Variants in TRIM33 observed in about 807,000 individuals in gnomAD.
TRIM33 encodes the protein E3 ubiquitin-protein ligase TRIM33.
A neutral mutation model predicts 125.4 loss-of-function variants in TRIM33; 20 were observed. The observed-to-expected ratio is 0.16, with a 90% CI of 0.11 to 0.23. TRIM33 has a LOEUF of 0.23. TRIM33 is among the 10% of genes least tolerant of loss of function. TRIM33 has a pLI of 1.00. For missense variants in TRIM33, 920 were observed against 1,411.4 expected (o/e 0.65, Z 5.58); for synonymous variants, 564 against 513.9 (o/e 1.10, Z -1.32).
At chr1:114,487,339 CAAAA>C (rs35231757) in intron 1 of TRIM33, among the ~76,000 whole-genome samples, 8 of 58,466 alleles carry the variant, frequency 1.4e-4, no homozygotes, top group Admixed American at 1.6e-4. Flanking sequence ...CCATGCAGGC[CAAAA>C]AAAAAAAAAA....
intron 16 of TRIM33, among the ~76,000 whole-genome samples, chr1:114,402,289 A>G (rs1488214254): frequency 1.3e-5 from 2 of 152,218 alleles, no homozygotes; most frequent in African/African-American, 4.8e-5. Context: ...CAAACTATAA[A>G]GGTCAAGAGC....
intron 4 of TRIM33, among the ~76,000 whole-genome samples, chr1:114,435,081 T>C (rs1403556060): frequency 1.3e-5 from 2 of 152,254 alleles, no homozygotes; most frequent in Non-Finnish European, 1.5e-5. Context: ...TTTGTGCATT[T>C]AATTCTCTAA....
At chr1:114,437,470 A>G (rs1426115170) in intron 4 of TRIM33, among the ~76,000 whole-genome samples, 3 of 152,050 alleles carry the variant, frequency 2.0e-5, no homozygotes, top group Admixed American at 6.6e-5. Context: ...TCCCGAGTAC[A>G]TAGGACTACA....
chr1:114,485,774 G>GA lies in TRIM33; in HGVS notation c.527-21387dup, dbSNP rs973274301. ...TTATACCTCAGTAGAAAGACTGCTG[G>GA]AAAAAAATGAAGATTAAATAGAATC... is the stretch of plus-strand genomic sequence containing the variant. On this transcript the variant is annotated intron_variant, in intron 1 of 19. Coordinates refer to ENST00000358465, the MANE Select transcript of TRIM33 (RefSeq NM_015906.4). Among the ~76,000 whole-genome samples the GA allele has an allele frequency of 5.9e-5, 9 of 152,072 alleles. No homozygotes were observed. In the South Asian group the frequency reaches 1.2e-3, roughly 21 times the overall value.
chr1:114,431,663 T>C (rs1647958735), intron 5 of TRIM33, among the ~76,000 whole-genome samples: 1 of 152,204 alleles, frequency 6.6e-6, no homozygotes, highest in Non-Finnish European at 1.5e-5. Context: ...TCTACTTCTG[T>C]AAAAACTATA....
chr1:114,483,566 C>A (rs1386114067), intron 1 of TRIM33, among the ~76,000 whole-genome samples: 2 of 151,874 alleles, frequency 1.3e-5, no homozygotes, highest in Admixed American at 6.6e-5. Context: ...CACCCACCAC[C>A]ACGCTCAGCT....
At chr1:114,444,331 T>A (rs1176977058) in intron 4 of TRIM33, among the ~76,000 whole-genome samples, 2 of 152,202 alleles carry the variant, frequency 1.3e-5, no homozygotes, top group Non-Finnish European at 1.5e-5. Context: ...ACACAAAGTT[T>A]AGCAGACTGC....
chr1:114,431,257 C>T (rs1647933188), intron 5 of TRIM33, among the ~76,000 whole-genome samples: 1 of 152,168 alleles, frequency 6.6e-6, no homozygotes, highest in Non-Finnish European at 1.5e-5. Context: ...TCTGTTTAAC[C>T]TTGACGTTTT....
At chr1:114,422,819 G>T (rs956361098) in intron 10 of TRIM33, among the ~76,000 whole-genome samples, 1 of 152,168 alleles carries the variant, frequency 6.6e-6, no homozygotes, top group South Asian at 2.1e-4. Context: ...TTGATAGATC[G>T]TTTTCTCAGC....
intron 1 of TRIM33, among the ~76,000 whole-genome samples, chr1:114,472,746 A>C (rs1448343519): frequency 1.3e-5 from 2 of 152,144 alleles, no homozygotes; most frequent in African/African-American, 4.8e-5. Context: ...AACAAAAACA[A>C]AACACAGAGG....
At chr1:114,492,670 T>C (rs1220255027) in intron 1 of TRIM33, among the ~76,000 whole-genome samples, 1 of 152,206 alleles carries the variant, frequency 6.6e-6, no homozygotes, top group Non-Finnish European at 1.5e-5. Flanking sequence ...GTAAGTATAA[T>C]CTTATATTTG....
At chr1:114,414,990 T>A (rs1382280972) in intron 11 of TRIM33, among the ~76,000 whole-genome samples, 1 of 71,316 alleles carries the variant, frequency 1.4e-5, no homozygotes, top group Non-Finnish European at 2.7e-5. Flanking sequence ...GTAGATTCTA[T>A]TTTTTTTTTT....
chr1:114,506,382 T>TAAAA (rs1653007047), intron 1 of TRIM33, among the ~76,000 whole-genome samples: 1 of 88,672 alleles, frequency 1.1e-5, no homozygotes, highest in African/African-American at 5.4e-5. Context: ...AAAAACTGTC[T>TAAAA]CAAAAAAAAA....
chr1:114,465,570 G>A (rs1355178001), intron 1 of TRIM33, among the ~76,000 whole-genome samples: 1 of 152,278 alleles, frequency 6.6e-6, no homozygotes, highest in African/African-American at 2.4e-5. Flanking sequence ...CACTTTGGGA[G>A]TGGAATGATC....
At chr1:114,443,877 A>G (rs1252266449) in intron 4 of TRIM33, among the ~76,000 whole-genome samples, 1 of 152,076 alleles carries the variant, frequency 6.6e-6, no homozygotes, top group East Asian at 1.9e-4. Flanking sequence ...TTAAAAAAAA[A>G]AAAAATTAAT....
chr1:114,446,933 T>C (rs1267445974), intron 4 of TRIM33, among the ~76,000 whole-genome samples: 1 of 152,078 alleles, frequency 6.6e-6, no homozygotes, highest in Non-Finnish European at 1.5e-5. Context: ...CTCAGCTACT[T>C]GGGAGGCTGA....
intron 18 of TRIM33, 106 bp downstream of exon 18, chr1:114,399,351 T>A (rs1416126967): frequency 1.8e-6 from 2 of 1,104,528 alleles, no homozygotes; most frequent in Non-Finnish European, 2.6e-6. Context: ...GACAGGACTT[T>A]AGCAGAAAAA....
intron 16 of TRIM33, 63 bp downstream of exon 16, chr1:114,402,697 A>T (rs975612276): frequency 6.5e-7 from 1 of 1,534,842 alleles, no homozygotes; most frequent in Non-Finnish European, 8.8e-7. Context: ...GGAAAAAAAA[A>T]GGTGTATATA....
chr1:114,445,889 G>A (rs1367002104), intron 4 of TRIM33, among the ~76,000 whole-genome samples: 5 of 151,974 alleles, frequency 3.3e-5, no homozygotes, highest in East Asian at 1.9e-4. Context: ...ACAGAGTCTC[G>A]CTTGATCACC....
Sources: gnomAD v4.1 joint callset for allele counts (sites outside exome capture counted in the v4.1 genomes callset) on GRCh38, gnomAD v4.1.1 for gene constraint, MANE v1.5 for transcripts, NCBI Gene and HGNC (gene_info 2026-07-23, HGNC 2026-07-21) for gene names.